The following BCAS3 variants were observed in gnomAD, a reference collection of about 807,000 sequenced individuals.
The protein encoded by BCAS3 is BCAS3 microtubule associated cell migration factor.
In BCAS3, 53 loss-of-function variants were observed where a neutral mutation model predicts 116.1. The ratio of observed to expected loss-of-function variants is 0.46; its 90% CI spans 0.37 to 0.57. BCAS3 has a LOEUF of 0.57. Ranked by LOEUF, BCAS3 falls within the 20% of genes least tolerant of loss-of-function variation. The pLI is 0.00. For synonymous variants in BCAS3, 391 were observed against 408.2 expected, an observed-to-expected ratio of 0.96 and a Z score of 0.51; for missense variants, 917 against 1,165.4, an observed-to-expected ratio of 0.79 and a Z score of 3.10.
chr17:61,201,743 A>C (rs951013690), intron 22 of BCAS3, among the ~76,000 whole-genome samples: 7 of 150,376 alleles, frequency 4.7e-5, no homozygotes, highest in Admixed American at 6.7e-5. Context: ...GAGAAAGGTA[A>C]GGGAAAGGAA....
chr17:61,195,585 C>T (rs2080431572), intron 22 of BCAS3, among the ~76,000 whole-genome samples: 1 of 151,280 alleles, frequency 6.6e-6, no homozygotes, highest in Non-Finnish European at 1.5e-5. Flanking sequence ...CCATGTTGCC[C>T]AGGCTGGTCT....
rs1449872666 is a variant in BCAS3, at chr17:61,265,571, T to C, written c.2426-102756T>C. On this transcript the variant is annotated intron_variant, in intron 22 of 23. Coordinates refer to ENST00000407086, the MANE Select transcript of BCAS3 (RefSeq NM_017679.5). This position sits in a 1 kb window ranked among gnomAD's most constrained non-coding sequence, Gnocchi z 4.3. ...TCTGTGGGCCTGGTTTCTACAATCT[T>C]GTTTGGCTACAATTCATGTTGACTT... 1.3e-5 allele frequency among the ~76,000 whole-genome samples: 2 copies of C among 152,354 alleles called. No individual in the cohort carries two copies. The highest frequency in any genetic ancestry group is 1.9e-4 in the East Asian group (1 of 5,192).
intron 21 of BCAS3, among the ~76,000 whole-genome samples, chr17:61,081,150 A>T (rs1480623073): frequency 6.6e-6 from 1 of 152,210 alleles, no homozygotes; most frequent in African/African-American, 2.4e-5. Flanking sequence ...AAAATAAGTA[A>T]CCAATTTATT....
At chr17:60,802,295 A>ATATAT (rs1555724577) in intron 6 of BCAS3, among the ~76,000 whole-genome samples, 7 of 127,944 alleles carry the variant, frequency 5.5e-5, no homozygotes, top group African/African-American at 1.1e-4. Context: ...AAAAAAAAAA[A>ATATAT]ATATATATAT....
chr17:60,811,518 G>T, intron 7 of BCAS3: 2 of 370,326 alleles, frequency 5.4e-6, no homozygotes, highest in African/African-American at 2.2e-5. Context: ...AAAGTTCAGA[G>T]GTAAAAAAAA....
In BCAS3 at chr17:61,067,721, AC is replaced by A. The variant is rs1308723622; in HGVS notation, c.2030-7198del. On this transcript the variant is annotated intron_variant, in intron 19 of 23. Transcript: ENST00000407086. Reference sequence around the variant, plus strand: ...CAGAGCAAGACTCCATCTCAAACAAACAAACAAAAAAAAAAAAAAATATATA... The same window carrying A: ...CAGAGCAAGACTCCATCTCAAACAAAAAACAAAAAAAAAAAAAAATATATA... Among the ~76,000 whole-genome samples the A allele has an allele frequency of 5.4e-4, 71 of 132,450 alleles. 1 individual carries two copies. Among genetic ancestry groups the A allele is most frequent in the African/African-American group, 2.2e-3 (68 of 30,536 alleles). 86.9% of individuals were successfully genotyped at this position (132,450 alleles called of 152,430 possible).
intron 11 of BCAS3, among the ~76,000 whole-genome samples, chr17:60,903,776 G>GTA (rs1411537085): frequency 6.6e-6 from 1 of 152,134 alleles, no homozygotes; most frequent in Non-Finnish European, 1.5e-5. Flanking sequence ...TCTCCATTGT[G>GTA]TATAGAAAAA....
At chr17:61,360,798 G>A (rs193180481) in intron 22 of BCAS3, among the ~76,000 whole-genome samples, 61 of 152,322 alleles carry the variant, frequency 4.0e-4, no homozygotes, top group Non-Finnish European at 2.2e-4. Context: ...GGCGTGGTGG[G>A]GTGGAACACC....
At chr17:60,748,946 C>T (rs941766587) in intron 6 of BCAS3, 1 of 152,034 alleles carries the variant, frequency 6.6e-6, no homozygotes, top group Non-Finnish European at 1.5e-5. Context: ...TTAAAAAAGA[C>T]TAGTCGAGTG....
intron 9 of BCAS3, chr17:60,887,331 A>G (rs1035384858): frequency 6.6e-6 from 1 of 151,104 alleles, no homozygotes; most frequent in African/African-American, 2.5e-5. Flanking sequence ...GCGTGCACCC[A>G]CTGACCTGCG....
intron 22 of BCAS3, among the ~76,000 whole-genome samples, chr17:61,194,557 G>C (rs1428470778): frequency 1.3e-5 from 2 of 151,996 alleles, no homozygotes; most frequent in African/African-American, 4.8e-5. Flanking sequence ...TGGCCAATAT[G>C]GTGAAACCCT....
intron 22 of BCAS3, among the ~76,000 whole-genome samples, chr17:61,185,797 C>T (rs953254459): frequency 2.6e-5 from 4 of 152,140 alleles, no homozygotes; most frequent in South Asian, 2.1e-4. Context: ...AGTGAGAAAT[C>T]GGTTACCTTA....
At chr17:60,686,280 A>C (rs1168419496) in intron 3 of BCAS3, among the ~76,000 whole-genome samples, 4 of 152,120 alleles carry the variant, frequency 2.6e-5, no homozygotes, top group Non-Finnish European at 4.4e-5. Flanking sequence ...TCAGACATTA[A>C]AAAATAATGT....
chr17:60,871,794 G>A (rs2055128955), intron 8 of BCAS3, among the ~76,000 whole-genome samples: 1 of 151,840 alleles, frequency 6.6e-6, no homozygotes, highest in South Asian at 2.1e-4. Flanking sequence ...AATTTTTGCA[G>A]CTATGTTCAT....
chr17:60,782,950 T>C (rs751244525), intron 6 of BCAS3, among the ~76,000 whole-genome samples: 40 of 152,108 alleles, frequency 2.6e-4, no homozygotes, highest in Non-Finnish European at 3.8e-4. Flanking sequence ...GGGCCCCAAA[T>C]GCATGCATAC....
intron 22 of BCAS3, among the ~76,000 whole-genome samples, chr17:61,301,539 G>C (rs1568796048): frequency 6.6e-6 from 1 of 151,960 alleles, no homozygotes; most frequent in Admixed American, 6.6e-5. Flanking sequence ...GAGGAGGCTG[G>C]GTCAGGAGAA....
At position 61,327,866 on chromosome 17, in the gene BCAS3, G is replaced by A. The variant is rs891330996; in HGVS notation, c.2426-40461G>A. ...TCCAGTTCAAGGAACTTAGTGGTAG[G>A]TGTGACTTTAAGGTTTGCAATGGTT... On this transcript the variant is annotated intron_variant, in intron 22 of 23. Transcript: ENST00000407086. This position sits in a 1 kb window ranked among gnomAD's most constrained non-coding sequence, Gnocchi z 5.9. Among the ~76,000 whole-genome samples the A allele has an allele frequency of 9.2e-5, 14 of 152,176 alleles. No individual in the cohort carries two copies. The highest frequency in any genetic ancestry group is 4.4e-5 in the Non-Finnish European group (3 of 68,024).
intron 22 of BCAS3, among the ~76,000 whole-genome samples, chr17:61,165,346 G>A (rs1186019851): frequency 1.3e-5 from 2 of 152,118 alleles, no homozygotes; most frequent in Non-Finnish European, 2.9e-5. Flanking sequence ...ATTTTCAGTA[G>A]TATTATGCAC....
At chr17:60,989,818 G>A (rs550847833) in intron 14 of BCAS3, among the ~76,000 whole-genome samples, 153 bp from the exon 15 acceptor site, 1 of 152,268 alleles carries the variant, frequency 6.6e-6, no homozygotes, top group African/African-American at 2.4e-5. Flanking sequence ...ATTGTGAAAT[G>A]CATCTGTAGA....
Sources: allele counts gnomAD v4.1 joint callset (sites outside exome capture counted in the v4.1 genomes callset), GRCh38; gene constraint gnomAD v4.1.1; non-coding constraint Gnocchi (gnomAD v3.1); transcripts MANE v1.5; gene names NCBI Gene and HGNC (gene_info 2026-07-23, HGNC 2026-07-21).